Variants in FMN1 observed in about 807,000 individuals in gnomAD.
FMN1 encodes the protein formin 1.
FMN1 carries 110 observed loss-of-function variants against 132.4 expected under a neutral mutation model. That is an observed-to-expected ratio of 0.83 (90% CI 0.71 to 0.97). The LOEUF is 0.97. Among genes scored for constraint, FMN1 ranks in the 50% least tolerant of loss-of-function variants. The pLI, the probability that FMN1 is intolerant of heterozygous loss-of-function variation, is 0.00. For synonymous variants in FMN1, 722 were observed against 651.7 expected (o/e 1.11, Z -1.64); for missense variants, 1,792 against 1,705.3 (o/e 1.05, Z -0.90).
intron 3 of FMN1, among the ~76,000 whole-genome samples, chr15:33,173,666 C>T (rs558703596): frequency 9.5e-4 from 144 of 152,346 alleles, no homozygotes; most frequent in African/African-American, 3.4e-3. Context: ...CGGTGGCTCA[C>T]GCCTGTAATC....
At chr15:33,064,647 GTA>G (rs2037635256) in intron 6 of FMN1, 1 of 212,194 alleles carries the variant, frequency 4.7e-6, no homozygotes, top group African/African-American at 2.3e-5. Context: ...TCACAAAATT[GTA>G]TGAGGACCAA....
chr15:32,835,830 T>C (rs772735759), intron 17 of FMN1, among the ~76,000 whole-genome samples: 6 of 152,158 alleles, frequency 3.9e-5, no homozygotes, highest in Non-Finnish European at 8.8e-5. Flanking sequence ...GCATTATCTT[T>C]CACACTGTTC....
Position 32,950,054 on chromosome 15 carries a change from C to CATATATATATATACATATATATAT in FMN1, c.3138+14052_3138+14053insATATATATATGTATATATATATAT, listed in dbSNP as rs1567449834. Reference sequence around the variant, plus strand: ...ATATACACATATATATATATATACACATATATATATATATATATATATATA... The same window carrying CATATATATATATACATATATATAT: ...ATATACACATATATATATATATACACATATATATATATACATATATATATATATATATATATATATATATATATA... On this transcript the variant is annotated intron_variant, in intron 9 of 20. Transcript: ENST00000616417. Among the ~76,000 whole-genome samples the CATATATATATATACATATATATAT allele has an allele frequency of 4.1e-4, 2 of 4,916 alleles. 1 individual carries two copies. The highest frequency in any genetic ancestry group is 1.1e-3 in the Non-Finnish European group (2 of 1,878). The allele number at this position is 4,916 out of a possible 152,430, so 3.2% of individuals were successfully genotyped here.
At chr15:32,819,518 G>A (rs1413018034) in intron 17 of FMN1, among the ~76,000 whole-genome samples, 2 of 152,224 alleles carry the variant, frequency 1.3e-5, no homozygotes, top group Non-Finnish European at 2.9e-5. Context: ...CTGAATTAAA[G>A]TGGATATTTG....
chr15:32,933,664 C>T (rs1248963599), intron 9 of FMN1, among the ~76,000 whole-genome samples: 2 of 152,118 alleles, frequency 1.3e-5, no homozygotes, highest in Non-Finnish European at 2.9e-5. Context: ...GCACATATAA[C>T]TGTTATATCT....
intron 17 of FMN1, among the ~76,000 whole-genome samples, chr15:32,806,283 C>T: frequency 6.6e-6 from 1 of 152,148 alleles, no homozygotes; most frequent in South Asian, 2.1e-4. Flanking sequence ...CCTGGCCCTA[C>T]CACTTACTAT....
At chr15:33,088,210 T>TC (rs2038774143) in intron 5 of FMN1, among the ~76,000 whole-genome samples, 1 of 151,984 alleles carries the variant, frequency 6.6e-6, no homozygotes, top group Non-Finnish European at 1.5e-5. Flanking sequence ...CTATTGAAAT[T>TC]AAAAAAATTT....
chr15:33,024,869 G>A (rs2035593515), intron 6 of FMN1, among the ~76,000 whole-genome samples: 1 of 152,148 alleles, frequency 6.6e-6, no homozygotes, highest in African/African-American at 2.4e-5. Context: ...TTCACTCAGA[G>A]TGATATTATG....
intron 19 of FMN1, among the ~76,000 whole-genome samples, chr15:32,792,675 C>T (rs2057130790): frequency 6.6e-6 from 1 of 152,144 alleles, no homozygotes; most frequent in Non-Finnish European, 1.5e-5. Flanking sequence ...GGCCATGAGA[C>T]TAAGTTCTGT....
intron 2 of FMN1, among the ~76,000 whole-genome samples, chr15:33,192,322 C>T (rs2080427900): frequency 6.6e-6 from 1 of 152,194 alleles, no homozygotes; most frequent in Non-Finnish European, 1.5e-5. Flanking sequence ...ACAGCTCCAC[C>T]AATTTTATGT....
chr15:33,039,633 T>G (rs1353145750), intron 6 of FMN1, among the ~76,000 whole-genome samples: 1 of 152,142 alleles, frequency 6.6e-6, no homozygotes, highest in Non-Finnish European at 1.5e-5. Flanking sequence ...GCAAATAAAT[T>G]AGTGTAAATT....
At chr15:32,991,368 C>T in intron 7 of FMN1, among the ~76,000 whole-genome samples, 1 of 152,180 alleles carries the variant, frequency 6.6e-6, no homozygotes, top group East Asian at 1.9e-4. Context: ...GTTTCCTGCA[C>T]CATCTACATC....
intron 10 of FMN1, among the ~76,000 whole-genome samples, chr15:32,916,224 C>T (rs974445068): frequency 6.6e-6 from 1 of 152,142 alleles, no homozygotes; most frequent in Non-Finnish European, 1.5e-5. Context: ...ATTCCCCCTC[C>T]GGGTAAGAGA....
At chr15:33,157,916 T>C (rs1295457162) in intron 3 of FMN1, among the ~76,000 whole-genome samples, 1 of 150,350 alleles carries the variant, frequency 6.7e-6, no homozygotes, top group Non-Finnish European at 1.5e-5. Flanking sequence ...CCTGGGAGGT[T>C]GAAGCTGCAG....
Position 32,774,343 on chromosome 15 carries a change from C to A in FMN1, c.4227G>T (p.Leu1409=), listed in dbSNP as rs370031845. 1.9e-6 allele frequency: 3 copies of A among 1,598,896 alleles called. No homozygotes were observed. The highest frequency in any genetic ancestry group is 2.6e-6 in the Non-Finnish European group (3 of 1,172,566). Residue 1409 remains leucine (L), a synonymous_variant, in exon 21 of 21, where the codon CTG becomes CTT. Transcript: ENST00000616417. ...TGGTCACACTGGCTTCCTTCTGACG[C>A]AGTCTTTCTTTCTGTTAAGGAAAAA... ...INPTASLKER[L]RQKEASVTTN
intron 4 of FMN1, chr15:33,150,537 C>T (rs1964401122): frequency 7.1e-6 from 7 of 985,452 alleles, no homozygotes; most frequent in Non-Finnish European, 8.4e-6. Flanking sequence ...AGGTGCATCG[C>T]TGGCCTCTGT....
chr15:32,785,522 T>A (rs1465338749), intron 19 of FMN1, among the ~76,000 whole-genome samples: 2 of 152,056 alleles, frequency 1.3e-5, no homozygotes, highest in Non-Finnish European at 2.9e-5. Flanking sequence ...ATTAGCGTTA[T>A]CTTTTAAACA....
At chr15:32,919,158 G>GC (rs1567391543) in intron 10 of FMN1, among the ~76,000 whole-genome samples, 1 of 118,892 alleles carries the variant, frequency 8.4e-6, no homozygotes, top group Admixed American at 8.2e-5. Context: ...ATATTGTGAT[G>GC]GGGGGGGTAT....
chr15:33,194,665 CTGCAGCCT>C lies in FMN1; in HGVS notation c.-444_-437del, dbSNP rs1966211584. Reference sequence around the variant, plus strand: ...TTGCTTACGGCAACAGCCGTGGCGGCTGCAGCCTCGAAGGATGCTGCGCTCCAGTCCAG... The same window carrying C: ...TTGCTTACGGCAACAGCCGTGGCGGCCGAAGGATGCTGCGCTCCAGTCCAG... On this transcript the variant is annotated 5_prime_UTR_variant, in exon 1 of 21. Transcript: ENST00000616417. 1.3e-5 allele frequency: 2 copies of C among 152,330 alleles called. No individual in the cohort carries two copies. Among genetic ancestry groups the C allele is most frequent in the Non-Finnish European group, 1.5e-5 (1 of 68,138 alleles). 9.4% of individuals were successfully genotyped at this position (152,330 alleles called of 1,614,324 possible). A position where few individuals can be genotyped will look rare whatever the true frequency, so the allele number is the denominator to read the frequency against.
Sources: allele counts gnomAD v4.1 joint callset (sites outside exome capture counted in the v4.1 genomes callset), GRCh38; gene constraint gnomAD v4.1.1; transcripts MANE v1.5; gene names NCBI Gene and HGNC (gene_info 2026-07-23, HGNC 2026-07-21).